The following MYOCD variants were observed in gnomAD, a reference collection of about 807,000 sequenced individuals.
MYOCD encodes the protein myocardin.
A neutral mutation model predicts 96.1 loss-of-function variants in MYOCD; 32 were observed. The ratio of observed to expected loss-of-function variants is 0.33; its 90% CI spans 0.25 to 0.45. The LOEUF is 0.45. Among genes scored for constraint, MYOCD ranks in the 20% least tolerant of loss-of-function variants. MYOCD has a pLI of 1.00. For synonymous variants in MYOCD, 469 were observed against 469.0 expected, an observed-to-expected ratio of 1.00 and a Z score of 0.00; for missense variants, 1,133 against 1,200.6, an observed-to-expected ratio of 0.94 and a Z score of 0.83.
Position 12,767,594 on chromosome 17 carries a change from C to A in MYOCD, c.*3950C>A, listed in dbSNP as rs949092964. 1.2e-4 allele frequency: 18 copies of A among 151,664 alleles called. No individual in the cohort carries two copies. The highest frequency in any genetic ancestry group is 7.3e-5 in the African/African-American group (3 of 41,318). 9.4% of individuals were successfully genotyped at this position (151,664 alleles called of 1,614,324 possible). A position where few individuals can be genotyped will look rare whatever the true frequency, so the allele number is the denominator to read the frequency against. On this transcript the variant is annotated 3_prime_UTR_variant, in exon 14 of 14. Coordinates refer to ENST00000425538, the MANE Select transcript of MYOCD (RefSeq NM_001146312.3). ...AATCTCCCAGTCCTCAAACTAGAAACCTTTCAGCTACGATGAAAAAAAAAA... is the reference window on the plus strand; with the variant it reads ...AATCTCCCAGTCCTCAAACTAGAAAACTTTCAGCTACGATGAAAAAAAAAA...
At chr17:12,689,477 A>T (rs971848983) in intron 1 of MYOCD, among the ~76,000 whole-genome samples, 38 of 152,350 alleles carry the variant, frequency 2.5e-4, no homozygotes, top group African/African-American at 8.7e-4. Flanking sequence ...CATATATTAT[A>T]TGACAAACAA....
chr17:12,705,166 C>T lies in MYOCD; in HGVS notation c.94C>T (p.Gln32Ter), dbSNP rs1185848227. 1.9e-6 allele frequency: 3 copies of T among 1,613,656 alleles called. No individual in the cohort carries two copies. The highest frequency in any genetic ancestry group is 2.5e-6 in the Non-Finnish European group (3 of 1,179,600). ...ACTTCAACAAAGAAGGACCCAGGAACAACTGGCTAACCAAGGCATAATACC... is the reference window on the plus strand; with the variant it reads ...ACTTCAACAAAGAAGGACCCAGGAATAACTGGCTAACCAAGGCATAATACC... ...LRLQQRRTQE[Q>*]LANQGIIPPL... is the part of the protein sequence containing the mutation. Residue 32 changes from glutamine to a stop codon, truncating the protein, a stop_gained, in exon 2 of 14, where the codon CAA becomes TAA. Transcript: ENST00000425538. LOFTEE classifies it high-confidence loss of function.
chr17:12,672,714 G>A (rs1166309492), intron 1 of MYOCD, among the ~76,000 whole-genome samples: 1 of 152,134 alleles, frequency 6.6e-6, no homozygotes, highest in African/African-American at 2.4e-5. Context: ...TCTGACTCAT[G>A]GATGTTTGCT....
At chr17:12,702,778 A>T (rs1292024407) in intron 1 of MYOCD, among the ~76,000 whole-genome samples, 1 of 151,982 alleles carries the variant, frequency 6.6e-6, no homozygotes, top group Non-Finnish European at 1.5e-5. Context: ...ATACCACTAC[A>T]TGTGAAGTAT....
Position 12,717,433 on chromosome 17 carries a change from A to C in MYOCD, c.253+12A>C, listed in dbSNP as rs1186871102. On this transcript the variant is annotated intron_variant, in intron 4 of 13. Transcript: ENST00000425538. ...GCACATACTCCAAGGTAAGGCTGCA[A>C]GAAATCAGACACCAAGAGATGCTGC... is the stretch of plus-strand genomic sequence containing the variant. 6.2e-7 allele frequency: 1 copy of C among 1,609,644 alleles called. No homozygotes were observed.
At chr17:12,694,788 T>G (rs2030655353) in intron 1 of MYOCD, among the ~76,000 whole-genome samples, 1 of 143,620 alleles carries the variant, frequency 7.0e-6, no homozygotes, top group African/African-American at 2.6e-5. Flanking sequence ...AAAAATCAAC[T>G]AGAAAGAATG....
chr17:12,687,268 T>A (rs1007523822), intron 1 of MYOCD, among the ~76,000 whole-genome samples: 12 of 152,180 alleles, frequency 7.9e-5, no homozygotes, highest in African/African-American at 1.9e-4. Context: ...AGTCCTTCCC[T>A]TCATGAGTAA....
intron 1 of MYOCD, among the ~76,000 whole-genome samples, chr17:12,670,837 A>C (rs1477099450): frequency 6.6e-6 from 1 of 152,262 alleles, no homozygotes; most frequent in African/African-American, 2.4e-5. Context: ...ATGGACCTTA[A>C]AAAATGAACA....
chr17:12,709,156 C>T (rs1474972832), intron 2 of MYOCD, among the ~76,000 whole-genome samples: 2 of 152,192 alleles, frequency 1.3e-5, no homozygotes, highest in Non-Finnish European at 2.9e-5. Flanking sequence ...CCCCCATTGA[C>T]TCTAATGAGG....
At position 12,722,937 on chromosome 17, in the gene MYOCD, G is replaced by C. The variant is rs758932814; in HGVS notation, c.344G>C (p.Arg115Pro). 1 of 1,613,968 alleles carries C rather than the reference G, an allele frequency of 6.2e-7. No homozygotes were observed. Reference protein sequence around the residue: ...ADDLNEKIALRPGPLELVEKN... With the variant: ...ADDLNEKIALPPGPLELVEKN... Reference sequence around the variant, plus strand: ...GATCTCAATGAAAAAATTGCTCTACGACCAGGGCCACTGGAGCTGGTGGAA... The same window carrying C: ...GATCTCAATGAAAAAATTGCTCTACCACCAGGGCCACTGGAGCTGGTGGAA... Residue 115 changes from arginine (R) to proline (P), a missense_variant, in exon 5 of 14, where the codon CGA becomes CCA. Arg to Pro is a moderately radical substitution (Grantham distance 103). Transcript: ENST00000425538.
At chr17:12,709,932 G>C (rs1368451113) in intron 2 of MYOCD, among the ~76,000 whole-genome samples, 1 of 152,150 alleles carries the variant, frequency 6.6e-6, no homozygotes, top group East Asian at 1.9e-4. Flanking sequence ...TGAAGACTTA[G>C]TGTGGAAAGA....
intron 3 of MYOCD, among the ~76,000 whole-genome samples, 156 bp downstream of exon 3, chr17:12,715,730 C>T (rs781478584): frequency 1.3e-4 from 20 of 152,138 alleles, no homozygotes; most frequent in Admixed American, 9.8e-4. Flanking sequence ...TCCTATTAAC[C>T]GGTAACTATA....
intron 4 of MYOCD, among the ~76,000 whole-genome samples, chr17:12,719,180 A>C (rs2031744696): frequency 1.0e-5 from 1 of 96,484 alleles, no homozygotes; most frequent in African/African-American, 2.9e-5. Flanking sequence ...GTCTCAAAAA[A>C]AAAAAAAAAA....
chr17:12,738,446 C>T (rs746560211), intron 6 of MYOCD, among the ~76,000 whole-genome samples: 7 of 152,056 alleles, frequency 4.6e-5, no homozygotes, highest in African/African-American at 1.2e-4. Flanking sequence ...CACATGCATG[C>T]GCACGCACAC....
rs1202566463 is a variant in MYOCD at position 12,767,482 on chromosome 17, C to T, written c.*3838C>T. On this transcript the variant is annotated 3_prime_UTR_variant, in exon 14 of 14. Coordinates refer to ENST00000425538, the MANE Select transcript of MYOCD (RefSeq NM_001146312.3). ...ACCATGGGCAGAGCACACAAATCTT[C>T]AGATAAACAATACTGAATTGATTCA... The T allele has an allele frequency of 6.6e-6, 1 of 152,158 alleles. No homozygotes were observed. Among genetic ancestry groups the T allele is most frequent in the Admixed American group, 6.5e-5 (1 of 15,280 alleles). The allele number at this position is 152,158 out of a possible 1,614,324, so 9.4% of individuals were successfully genotyped here. A position where few individuals can be genotyped will look rare whatever the true frequency, so the allele number is the denominator to read the frequency against.
chr17:12,706,135 T>G (rs540915688), intron 2 of MYOCD: 2 of 152,354 alleles, frequency 1.3e-5, no homozygotes, highest in East Asian at 3.9e-4. Flanking sequence ...AGAACAGAAC[T>G]AAGAATTTTT....
intron 1 of MYOCD, among the ~76,000 whole-genome samples, chr17:12,677,494 C>T (rs113567775): frequency 0.037 from 5,583 of 152,088 alleles, 365 homozygotes; most frequent in African/African-American, 0.13. Flanking sequence ...GGGCGGATCA[C>T]GAGGTCAGGA....
Position 12,763,085 on chromosome 17 carries a change from A to T in MYOCD, c.2402A>T (p.Asp801Val), listed in dbSNP as rs374301549. Residue 801 changes from aspartate to valine, a missense_variant, in exon 14 of 14, where the codon GAC (aspartate) becomes GTC (valine). Physicochemically the swap from Asp to Val is radical, Grantham distance 152. Coordinates refer to ENST00000425538, the MANE Select transcript of MYOCD (RefSeq NM_001146312.3). The part of the protein sequence containing the change: ...VLIESGEMPA[D>V]AREDHSCLQK... ...GTATTGCCCACAGAAATGCCAGCAG[A>T]CGCTAGAGAGGATCACTCATGTCTT... 1.9e-6 allele frequency: 3 copies of T among 1,605,700 alleles called. No individual in the cohort carries two copies. The highest frequency in any genetic ancestry group is 2.2e-5 in the South Asian group (2 of 89,594).
At chr17:12,707,951 A>G (rs1262015518) in intron 2 of MYOCD, among the ~76,000 whole-genome samples, 4 of 146,282 alleles carry the variant, frequency 2.7e-5, no homozygotes, top group Non-Finnish European at 4.7e-5. Context: ...TATGCACTAT[A>G]TATATGTGTG....
Sources: allele counts gnomAD v4.1 joint callset (sites outside exome capture counted in the v4.1 genomes callset), GRCh38; gene constraint gnomAD v4.1.1; transcripts MANE v1.5; gene names NCBI Gene and HGNC (gene_info 2026-07-23, HGNC 2026-07-21).